ANKRD55: variants seen among roughly 807,000 people sequenced by gnomAD.
ANKRD55 encodes the protein ankyrin repeat domain-containing protein 55.
ANKRD55 carries 41 observed loss-of-function variants against 60.6 expected under a neutral mutation model. The ratio of observed to expected loss-of-function variants is 0.68; its 90% CI spans 0.53 to 0.88. ANKRD55 has a LOEUF of 0.88. Among genes scored for constraint, ANKRD55 ranks in the 40% least tolerant of loss-of-function variants. ANKRD55 has a pLI of 0.00. For missense variants in ANKRD55, 732 were observed against 767.6 expected, an observed-to-expected ratio of 0.95 and a Z score of 0.55; for synonymous variants, 264 against 290.3, an observed-to-expected ratio of 0.91 and a Z score of 0.92.
At position 56,111,479 on chromosome 5, in the gene ANKRD55, C is replaced by A. The variant is rs759022770; in HGVS notation, c.1269G>T (p.Pro423=). The change falls in exon 10 of 12, where the codon CCG becomes CCT. Residue 423 remains proline, a synonymous_variant. Transcript: ENST00000341048. ...NSKYLLPEKK[P]LARKGLPPIR... ...TTGGTGGAAGCCCCTTACGGGCCAG[C>A]GGTTTCTTTTCTGGTAAGAGATATT... 6.2e-7 allele frequency: 1 copy of A among 1,614,056 alleles called. No individual in the cohort carries two copies. Among genetic ancestry groups the A allele is most frequent in the African/African-American group, 1.3e-5 (1 of 74,992 alleles).
In ANKRD55 at chr5:56,166,158, TTTCC is replaced by T. The variant is rs1180954187; in HGVS notation, c.422+4532_422+4535del. The stretch of plus-strand genomic sequence containing the variant: ...TCTTTCTTTCTTTCTTTCTTTCTTC[TTTCC>T]TTCCTTCCTTCCTTCCTTCCTTCCT... On this transcript the variant is annotated intron_variant, in intron 5 of 11. Coordinates refer to ENST00000341048, the MANE Select transcript of ANKRD55 (RefSeq NM_024669.3). Among the ~76,000 whole-genome samples the T allele has an allele frequency of 3.2e-4, 23 of 72,454 alleles. No individual in the cohort carries two copies. The South Asian group carries it at 4.9e-3, about 16-fold the overall frequency. 47.5% of individuals were successfully genotyped at this position (72,454 alleles called of 152,430 possible). A position where few individuals can be genotyped will look rare whatever the true frequency, so the allele number is the denominator to read the frequency against.
intron 8 of ANKRD55, among the ~76,000 whole-genome samples, chr5:56,120,361 A>G (rs1757006847): frequency 6.6e-6 from 1 of 152,128 alleles, no homozygotes. Flanking sequence ...GTGGGATTAT[A>G]TTTTAAGATC....
chr5:56,229,480 CT>C (rs1471725894), intron 2 of ANKRD55, among the ~76,000 whole-genome samples: 3 of 152,120 alleles, frequency 2.0e-5, no homozygotes, highest in Non-Finnish European at 4.4e-5. Flanking sequence ...TCCAGCAGCT[CT>C]GTGAATATGT....
chr5:56,192,770 G>A, intron 2 of ANKRD55: 1 of 1,093,316 alleles, frequency 9.1e-7, no homozygotes, highest in Non-Finnish European at 1.4e-6. Flanking sequence ...ACGTAAAGAT[G>A]AGAACACAGA....
Position 56,166,143 on chromosome 5 carries a change from T to TTTATTTC in ANKRD55, c.422+4550_422+4551insGAAATAA, listed in dbSNP as rs1758462412. 7.1e-5 allele frequency among the ~76,000 whole-genome samples: 7 copies of TTTATTTC among 98,876 alleles called. 1 individual carries two copies. Among genetic ancestry groups the TTTATTTC allele is most frequent in the African/African-American group, 4.3e-4 (7 of 16,366 alleles). 64.9% of individuals were successfully genotyped at this position (98,876 alleles called of 152,430 possible). ...CTTTCTTTCTTTCTTTCTTTCTTTC[T>TTTATTTC]TTCTTTCTTTCTTCTTTCCTTCCTT... On this transcript the variant is annotated intron_variant, in intron 5 of 11. Coordinates refer to ENST00000341048, the MANE Select transcript of ANKRD55 (RefSeq NM_024669.3).
At chr5:56,193,996 A>G (rs1331030795) in intron 2 of ANKRD55, among the ~76,000 whole-genome samples, 1 of 152,202 alleles carries the variant, frequency 6.6e-6, no homozygotes, top group African/African-American at 2.4e-5. Flanking sequence ...ACACTGCACC[A>G]TATTAGTAAT....
chr5:56,111,452 G>C lies in ANKRD55; in HGVS notation c.1296C>G (p.Ile432Met), dbSNP rs1430089743. The change falls in exon 10 of 12, where the codon ATC becomes ATG. Residue 432 changes from isoleucine to methionine, a missense_variant. Transcript: ENST00000341048. ...KPLARKGLPP[I>M]RTQSLPPITL... ...TGATGGGTGGGAGACTCTGCGTTCT[G>C]ATTGGTGGAAGCCCCTTACGGGCCA... The C allele has an allele frequency of 3.1e-6, 5 of 1,614,070 alleles. No individual in the cohort carries two copies. The highest frequency in any genetic ancestry group is 3.4e-6 in the Non-Finnish European group (4 of 1,180,042).
intron 7 of ANKRD55, among the ~76,000 whole-genome samples, chr5:56,139,820 C>A (rs1263799218): frequency 6.6e-6 from 1 of 152,116 alleles, no homozygotes; most frequent in African/African-American, 2.4e-5. Context: ...TGCCTGTAAT[C>A]CCGACACTTG....
intron 2 of ANKRD55, among the ~76,000 whole-genome samples, chr5:56,224,410 A>C (rs1760051742): frequency 6.6e-6 from 1 of 152,230 alleles, no homozygotes; most frequent in Non-Finnish European, 1.5e-5. Context: ...TGACACCCTA[A>C]CATCACAACT....
rs182388341 is a variant in ANKRD55, at chr5:56,118,566, G to A, written c.798-1784C>T. 2.0e-5 allele frequency among the ~76,000 whole-genome samples: 3 copies of A among 152,210 alleles called. No individual in the cohort carries two copies. The East Asian group carries it at 5.8e-4, about 29-fold the overall frequency. ...GTGAACCGGGGAGGCAGAGCTTGCA[G>A]TGAGCCGAGATCATGCCACTGCACT... On this transcript the variant is annotated intron_variant, in intron 8 of 11. Transcript: ENST00000341048.
intron 2 of ANKRD55, among the ~76,000 whole-genome samples, chr5:56,197,308 G>A (rs866312127): frequency 7.9e-5 from 12 of 152,056 alleles, no homozygotes; most frequent in African/African-American, 2.9e-4. Flanking sequence ...TTTATATTGA[G>A]GCAGGAAGGG....
chr5:56,164,033 A>G lies in ANKRD55; in HGVS notation c.423-4140T>C, dbSNP rs374702424. On this transcript the variant is annotated intron_variant, in intron 5 of 11. Coordinates refer to ENST00000341048, the MANE Select transcript of ANKRD55 (RefSeq NM_024669.3). ...CTTCAATCTGGGAGGTGGAGGTTGC[A>G]GTGAGCCGAGATTATGCCACTGCAC... 3.0e-3 allele frequency among the ~76,000 whole-genome samples: 461 copies of G among 152,328 alleles called. 2 individuals carry two copies. Among genetic ancestry groups the G allele is most frequent in the African/African-American group, 0.011 (441 of 41,590 alleles).
chr5:56,203,947 C>T (rs1759440534), intron 2 of ANKRD55, among the ~76,000 whole-genome samples: 1 of 152,048 alleles, frequency 6.6e-6, no homozygotes, highest in South Asian at 2.1e-4. Flanking sequence ...TTTACAGTCC[C>T]ACCAACAGTG....
At chr5:56,149,531 A>T (rs1423602146) in intron 6 of ANKRD55, among the ~76,000 whole-genome samples, 1 of 152,220 alleles carries the variant, frequency 6.6e-6, no homozygotes, top group Admixed American at 6.5e-5. Flanking sequence ...TGATAGATTT[A>T]ATTTTCAACA....
intron 4 of ANKRD55, among the ~76,000 whole-genome samples, chr5:56,175,647 CG>C (rs1470350045): frequency 6.6e-6 from 1 of 152,024 alleles, no homozygotes; most frequent in Admixed American, 6.6e-5. Context: ...ATCTGCTTGG[CG>C]TTGTCCCTTT....
intron 8 of ANKRD55, chr5:56,125,656 T>A (rs1014151830): frequency 6.6e-6 from 1 of 152,204 alleles, no homozygotes; most frequent in Non-Finnish European, 1.5e-5. Context: ...CTGAGACCTA[T>A]GTAGAACTCC....
At chr5:56,232,257 C>A (rs1304965611) in intron 2 of ANKRD55, among the ~76,000 whole-genome samples, 1 of 152,118 alleles carries the variant, frequency 6.6e-6, no homozygotes, top group Admixed American at 6.5e-5. Context: ...AAAATTACCT[C>A]CACTCCAGAA....
intron 4 of ANKRD55, among the ~76,000 whole-genome samples, chr5:56,175,549 G>T (rs1268494946): frequency 6.6e-6 from 1 of 152,200 alleles, no homozygotes; most frequent in African/African-American, 2.4e-5. Context: ...TTGCTCTAAT[G>T]TTGGGAAATG....
chr5:56,159,053 C>T (rs1305579273), intron 6 of ANKRD55, among the ~76,000 whole-genome samples: 1 of 151,572 alleles, frequency 6.6e-6, no homozygotes, highest in Non-Finnish European at 1.5e-5. Flanking sequence ...CACTTTGTTG[C>T]CAGGCTGGAC....
Sources: allele counts gnomAD v4.1 joint callset (sites outside exome capture counted in the v4.1 genomes callset), GRCh38; gene constraint gnomAD v4.1.1; transcripts MANE v1.5; gene names NCBI Gene and HGNC (gene_info 2026-07-23, HGNC 2026-07-21).